Variants in AGAP1 observed in about 807,000 individuals in gnomAD.
The protein encoded by AGAP1 is ArfGAP with GTPase domain, ankyrin repeat and PH domain 1, also known as arf-GAP with GTPase, ANK repeat and PH domain-containing protein 1.
AGAP1 carries 29 observed loss-of-function variants against 105.3 expected under a neutral mutation model. That is an observed-to-expected ratio of 0.28 (90% CI 0.21 to 0.38). The LOEUF (loss-of-function observed/expected upper bound fraction) is 0.38, where lower values mean the gene tolerates loss of function less well. AGAP1 is among the 10% of genes least tolerant of loss of function. The pLI, the probability that AGAP1 is intolerant of heterozygous loss-of-function variation, is 1.00. For missense variants in AGAP1, 998 were observed against 1,165.1 expected (o/e 0.86, Z 2.09); for synonymous variants, 509 against 485.9 (o/e 1.05, Z -0.63).
intron 9 of AGAP1, among the ~76,000 whole-genome samples, chr2:235,861,223 A>G (rs1385367215): frequency 5.9e-5 from 9 of 152,180 alleles, no homozygotes; most frequent in Admixed American, 5.9e-4. Flanking sequence ...TAGTTTTTTT[A>G]AATGTGATGA....
At chr2:236,071,221 C>T (rs1358468161) in intron 16 of AGAP1, among the ~76,000 whole-genome samples, 1 of 152,174 alleles carries the variant, frequency 6.6e-6, no homozygotes, top group African/African-American at 2.4e-5. Flanking sequence ...AGCACTCAGG[C>T]TAAATATGCA....
intron 15 of AGAP1, among the ~76,000 whole-genome samples, chr2:236,043,277 A>C (rs752178715): frequency 6.6e-6 from 1 of 152,198 alleles, no homozygotes; most frequent in South Asian, 2.1e-4. Context: ...AACTAAACCA[A>C]TGGGATTGAG....
At chr2:235,766,521 A>G (rs977315489) in intron 6 of AGAP1, among the ~76,000 whole-genome samples, 1 of 152,264 alleles carries the variant, frequency 6.6e-6, no homozygotes, top group Non-Finnish European at 1.5e-5. Flanking sequence ...GTAATAAGAT[A>G]CACTCCGTAA....
At chr2:236,106,312 T>C (rs1253602047) in intron 16 of AGAP1, among the ~76,000 whole-genome samples, 1 of 152,246 alleles carries the variant, frequency 6.6e-6, no homozygotes, top group Non-Finnish European at 1.5e-5. Flanking sequence ...TTTCCTAGCA[T>C]GTCATCCAAG....
Position 236,044,996 on chromosome 2 carries a change from C to A in AGAP1, c.1892-4063C>A, listed in dbSNP as rs959108332. On this transcript the variant is annotated intron_variant, in intron 15 of 17. Coordinates refer to ENST00000304032, the MANE Select transcript of AGAP1 (RefSeq NM_001037131.3). The surrounding 1 kb of genome is among the most constrained non-coding windows in gnomAD (Gnocchi z 5.7). ...GCAGTGCAATCATGGCTCACTGCAG[C>A]CTTGAACTCTTAGGCTCCAGCAATC... Among the ~76,000 whole-genome samples the A allele has an allele frequency of 1.3e-5, 2 of 152,158 alleles. No individual in the cohort carries two copies. Among genetic ancestry groups the A allele is most frequent in the African/African-American group, 4.8e-5 (2 of 41,436 alleles).
intron 16 of AGAP1, among the ~76,000 whole-genome samples, chr2:236,077,319 GTC>G (rs1348959792): frequency 7.0e-6 from 1 of 143,416 alleles, no homozygotes; most frequent in Non-Finnish European, 1.5e-5. Context: ...CCTTATGTAT[GTC>G]TCTTTTTTTT....
In AGAP1 at chr2:235,596,499, G is replaced by A. The variant is rs568453461; in HGVS notation, c.163+101650G>A. Among the ~76,000 whole-genome samples the A allele has an allele frequency of 1.3e-5, 2 of 152,200 alleles. No individual in the cohort carries two copies. Among genetic ancestry groups the A allele is most frequent in the Non-Finnish European group, 2.9e-5 (2 of 68,040 alleles). On this transcript the variant is annotated intron_variant, in intron 1 of 17. Coordinates refer to ENST00000304032, the MANE Select transcript of AGAP1 (RefSeq NM_001037131.3). This position sits in a 1 kb window ranked among gnomAD's most constrained non-coding sequence, Gnocchi z 5.9. The stretch of plus-strand genomic sequence containing the variant: ...AGGCAAGGTGGACCTGAGAGTCTGT[G>A]TTTCTGGTGAGCCACAGGTAGCACC...
rs372721545 is a variant in AGAP1 at position 235,720,810 on chromosome 2, GCT to G, written c.310+3172_310+3173del. The G allele has an allele frequency of 1.7e-3, 1,183 of 683,128 alleles. 19 individuals carry two copies. In the African/African-American group the frequency reaches 0.022, roughly 13 times the overall value. The allele number at this position is 683,128 out of a possible 1,614,324, so 42.3% of individuals were successfully genotyped here. A position where few individuals can be genotyped will look rare whatever the true frequency, so the allele number is the denominator to read the frequency against. On this transcript the variant is annotated intron_variant, in intron 3 of 17. Transcript: ENST00000304032. This position sits in a 1 kb window ranked among gnomAD's most constrained non-coding sequence, Gnocchi z 5.0. ...AGGGCCTTCCTGTCTTCAGGGGAGA[GCT>G]CTCTCGTGGTAGAAACATTTCTGGT...
chr2:235,681,634 CCTAAAA>C (rs909023804), intron 1 of AGAP1, among the ~76,000 whole-genome samples: 2 of 152,128 alleles, frequency 1.3e-5, no homozygotes, highest in Non-Finnish European at 2.9e-5. Flanking sequence ...ACAGTATGCA[CCTAAAA>C]ATATAATACA....
At chr2:235,949,280 T>C (rs1034903802) in intron 12 of AGAP1, among the ~76,000 whole-genome samples, 1 of 152,180 alleles carries the variant, frequency 6.6e-6, no homozygotes, top group African/African-American at 2.4e-5. Flanking sequence ...ATTTTCAGAT[T>C]TCAGAACATT....
chr2:235,514,162 G>GCACA lies in AGAP1; in HGVS notation c.163+19332_163+19335dup, dbSNP rs35684926. ...TGCCAGTGCATGCGCGTGCGCGCGC[G>GCACA]CACACACACACACACACACACATAC... On this transcript the variant is annotated intron_variant, in intron 1 of 17. Coordinates refer to ENST00000304032, the MANE Select transcript of AGAP1 (RefSeq NM_001037131.3). 1.4e-3 allele frequency among the ~76,000 whole-genome samples: 206 copies of GCACA among 150,618 alleles called. 1 individual carries two copies. The highest frequency in any genetic ancestry group is 4.6e-3 in the African/African-American group (191 of 41,264).
intron 1 of AGAP1, among the ~76,000 whole-genome samples, chr2:235,675,376 A>G (rs140895721): frequency 3.2e-4 from 49 of 152,168 alleles, no homozygotes; most frequent in African/African-American, 1.1e-3. Flanking sequence ...TATTTTTAGT[A>G]GAGACGGGGT....
intron 1 of AGAP1, among the ~76,000 whole-genome samples, chr2:235,539,573 T>G (rs530953113): frequency 3.3e-5 from 5 of 152,288 alleles, no homozygotes; most frequent in Non-Finnish European, 5.9e-5. Flanking sequence ...CTCCCATATT[T>G]CCCCTCTAGG....
At chr2:235,821,101 G>A (rs1039305307) in intron 9 of AGAP1, among the ~76,000 whole-genome samples, 4 of 152,220 alleles carry the variant, frequency 2.6e-5, no homozygotes, top group African/African-American at 9.6e-5. Context: ...GACCTTTAGT[G>A]TAAAACAGTG....
intron 16 of AGAP1, among the ~76,000 whole-genome samples, chr2:236,072,786 C>T (rs917375107): frequency 5.3e-5 from 8 of 151,760 alleles, no homozygotes; most frequent in African/African-American, 1.9e-4. Flanking sequence ...TTACATTTTC[C>T]CCTCTAATGT....
chr2:236,085,615 C>G (rs2058909246), intron 16 of AGAP1, among the ~76,000 whole-genome samples: 1 of 152,238 alleles, frequency 6.6e-6, no homozygotes, highest in Admixed American at 6.5e-5. Context: ...TCATTTCTCT[C>G]CTCCCCATCT....
rs183923394 is a variant in AGAP1, at chr2:236,022,605, G to A, written c.1646-13956G>A. Among the ~76,000 whole-genome samples, 396 of 152,268 alleles carry A rather than the reference G, an allele frequency of 2.6e-3. 2 individuals are homozygous for A. The highest frequency in any genetic ancestry group is 0.01 in the Middle Eastern group (3 of 294). Reference sequence around the variant, plus strand: ...GCTGGAGTGCAGTGGCACAGTCTCCGCTCACTGCAGCCTCCACCTCCAGGG... The same window carrying A: ...GCTGGAGTGCAGTGGCACAGTCTCCACTCACTGCAGCCTCCACCTCCAGGG... On this transcript the variant is annotated intron_variant, in intron 13 of 17. Coordinates refer to ENST00000304032, the MANE Select transcript of AGAP1 (RefSeq NM_001037131.3).
chr2:235,791,338 G>A lies in AGAP1; in HGVS notation c.674-6421G>A, dbSNP rs185209245. Among the ~76,000 whole-genome samples, 1,043 of 152,228 alleles carry A rather than the reference G, an allele frequency of 6.9e-3. 5 individuals are homozygous for A. Among genetic ancestry groups the A allele is most frequent in the Non-Finnish European group, 9.5e-3 (645 of 68,026 alleles). Reference sequence around the variant, plus strand: ...TATTTGTTACTGGAAGATTACAGCCGGTAGTGGCTTTCATTATTTATGGGA... The same window carrying A: ...TATTTGTTACTGGAAGATTACAGCCAGTAGTGGCTTTCATTATTTATGGGA... On this transcript the variant is annotated intron_variant, in intron 6 of 17. Transcript: ENST00000304032.
At chr2:235,583,516 A>G (rs1224031010) in intron 1 of AGAP1, among the ~76,000 whole-genome samples, 1 of 151,402 alleles carries the variant, frequency 6.6e-6, no homozygotes, top group Non-Finnish European at 1.5e-5. Flanking sequence ...CCTCTCGTGT[A>G]ACTGGGACCA....
Sources: allele counts gnomAD v4.1 joint callset (sites outside exome capture counted in the v4.1 genomes callset), GRCh38; gene constraint gnomAD v4.1.1; non-coding constraint Gnocchi (gnomAD v3.1); transcripts MANE v1.5; gene names NCBI Gene and HGNC (gene_info 2026-07-23, HGNC 2026-07-21).